The following NECTIN3 variants were observed in gnomAD, a reference collection of about 807,000 sequenced individuals.
NECTIN3 encodes nectin cell adhesion molecule 3, also known as nectin-3.
A neutral mutation model predicts 49.4 loss-of-function variants in NECTIN3; 8 were observed. The observed-to-expected ratio is 0.16, with a 90% CI of 0.10 to 0.29. The LOEUF (loss-of-function observed/expected upper bound fraction) is 0.29. NECTIN3 is among the 10% of genes least tolerant of loss of function. The pLI is 1.00. For synonymous variants in NECTIN3, 277 were observed against 241.1 expected, an observed-to-expected ratio of 1.15 and a Z score of -1.38; for missense variants, 581 against 654.6, an observed-to-expected ratio of 0.89 and a Z score of 1.23.
At chr3:111,150,239 TA>T (rs778196394) in intron 7 of NECTIN3, among the ~76,000 whole-genome samples, 1 of 152,012 alleles carries the variant, frequency 6.6e-6, no homozygotes, top group Non-Finnish European at 1.5e-5. Flanking sequence ...CTTTTGAAGT[TA>T]TTTTTACAGT....
intron 1 of NECTIN3, among the ~76,000 whole-genome samples, chr3:111,084,674 G>A (rs1238988364): frequency 6.6e-6 from 1 of 152,120 alleles, no homozygotes; most frequent in Non-Finnish European, 1.5e-5. Context: ...TGTAATGGTA[G>A]AAATGGAAGG....
downstream of NECTIN3, among the ~76,000 whole-genome samples, chr3:111,138,825 T>A (rs2034666417): frequency 1.3e-5 from 2 of 151,668 alleles, no homozygotes; most frequent in South Asian, 4.1e-4. Flanking sequence ...CTTATGTGCA[T>A]AATATTGCTA....
At chr3:111,075,809 G>T (rs1441682878) in intron 1 of NECTIN3, among the ~76,000 whole-genome samples, 2 of 152,068 alleles carry the variant, frequency 1.3e-5, no homozygotes, top group Non-Finnish European at 2.9e-5. Context: ...CCTTAATGAT[G>T]TCCAGTGCAT....
Position 111,071,865 on chromosome 3 carries a change from T to G in NECTIN3, c.-153T>G. ...GGCGGTGTCGAGGCAGCCGCCAGCGTTCGGCCAAGTGTCAGCCGGCAGCGA... is the reference window on the plus strand; with the variant it reads ...GGCGGTGTCGAGGCAGCCGCCAGCGGTCGGCCAAGTGTCAGCCGGCAGCGA... On this transcript the variant is annotated 5_prime_UTR_variant, in exon 1 of 6. Coordinates refer to ENST00000485303, the MANE Select transcript of NECTIN3 (RefSeq NM_015480.3). 2.3e-6 allele frequency: 1 copy of G among 443,538 alleles called. No individual in the cohort carries two copies. The highest frequency in any genetic ancestry group is 3.7e-6 in the Non-Finnish European group (1 of 272,456). 27.5% of individuals were successfully genotyped at this position (443,538 alleles called of 1,614,324 possible). A position where few individuals can be genotyped will look rare whatever the true frequency, so the allele number is the denominator to read the frequency against.
At position 111,099,435 on chromosome 3, in the gene NECTIN3, C is replaced by T. The variant is rs567329257; in HGVS notation, c.161-12595C>T. 3.3e-5 allele frequency among the ~76,000 whole-genome samples: 5 copies of T among 152,216 alleles called. No individual in the cohort carries two copies. In the East Asian group the frequency reaches 5.8e-4, roughly 18 times the overall value. ...AATTACGTGGTCACTGTAGCCATAACGTTCATTGCCTTGTATGTCTTATTT... is the reference window on the plus strand; with the variant it reads ...AATTACGTGGTCACTGTAGCCATAATGTTCATTGCCTTGTATGTCTTATTT... On this transcript the variant is annotated intron_variant, in intron 1 of 5. Coordinates refer to ENST00000485303, the MANE Select transcript of NECTIN3 (RefSeq NM_015480.3).
chr3:111,138,896 A>G (rs2034669588), downstream of NECTIN3, among the ~76,000 whole-genome samples: 1 of 151,666 alleles, frequency 6.6e-6, no homozygotes, highest in Admixed American at 6.6e-5. Flanking sequence ...GGGAAAACCT[A>G]ATTGTAAAGT....
Position 111,135,706 on chromosome 3 carries a change from C to T in NECTIN3, c.*1491C>T. 3.1e-6 allele frequency: 3 copies of T among 956,560 alleles called. No homozygotes were observed. The highest frequency in any genetic ancestry group is 3.7e-6 in the Non-Finnish European group (3 of 804,018). 59.3% of individuals were successfully genotyped at this position (956,560 alleles called of 1,614,324 possible). ...GTACTTTTTAAACCCTCCCAACCAG[C>T]CCTTTCTCAATATTCATCAAATCTA... On this transcript the variant is annotated 3_prime_UTR_variant, in exon 6 of 6. Transcript: ENST00000485303.
At chr3:111,084,607 G>C (rs2031821456) in intron 1 of NECTIN3, among the ~76,000 whole-genome samples, 1 of 152,110 alleles carries the variant, frequency 6.6e-6, no homozygotes, top group Non-Finnish European at 1.5e-5. Context: ...GAACAAGGGT[G>C]ATGTAAGGAA....
intron 2 of NECTIN3, among the ~76,000 whole-genome samples, chr3:111,116,962 G>A (rs892355478): frequency 6.6e-6 from 1 of 152,020 alleles, no homozygotes; most frequent in Non-Finnish European, 1.5e-5. Flanking sequence ...TTGAAAATAA[G>A]TAGTAGCAAT....
chr3:111,081,920 T>A (rs998945001), intron 1 of NECTIN3, among the ~76,000 whole-genome samples: 1 of 152,220 alleles, frequency 6.6e-6, no homozygotes, highest in African/African-American at 2.4e-5. Context: ...CAGGCAACTG[T>A]GGAGTCCATC....
chr3:111,130,175 C>G lies in NECTIN3; in HGVS notation c.1070-3460C>G, dbSNP rs190891958. Among the ~76,000 whole-genome samples the G allele has an allele frequency of 3.9e-3, 590 of 151,922 alleles. 4 individuals carry two copies. Among genetic ancestry groups the G allele is most frequent in the Non-Finnish European group, 6.5e-3 (440 of 67,976 alleles). On this transcript the variant is annotated intron_variant, in intron 5 of 5. Coordinates refer to ENST00000485303, the MANE Select transcript of NECTIN3 (RefSeq NM_015480.3). Reference sequence around the variant, plus strand: ...GTTTCACCATATTAGCCAGGATGGTCTCGATCTCCTGACCTCATGATCCAC... The same window carrying G: ...GTTTCACCATATTAGCCAGGATGGTGTCGATCTCCTGACCTCATGATCCAC...
chr3:111,125,603 G>A (rs1203549196), intron 4 of NECTIN3, among the ~76,000 whole-genome samples: 2 of 152,088 alleles, frequency 1.3e-5, no homozygotes, highest in Admixed American at 6.5e-5. Context: ...GGTTTTTATT[G>A]TCACAGATGC....
chr3:111,094,679 A>C (rs765463788), intron 1 of NECTIN3, among the ~76,000 whole-genome samples: 1 of 152,200 alleles, frequency 6.6e-6, no homozygotes, highest in Non-Finnish European at 1.5e-5. Flanking sequence ...AGATGGATTC[A>C]GTTCCCTCAG....
chr3:111,158,289 C>A (rs1191818607), intron 7 of NECTIN3, among the ~76,000 whole-genome samples: 1 of 151,904 alleles, frequency 6.6e-6, no homozygotes, highest in Admixed American at 6.6e-5. Flanking sequence ...GAATGAGATT[C>A]GTTAAAGGCC....
Position 111,136,813 on chromosome 3 carries a change from A to T in NECTIN3, c.*2598A>T, listed in dbSNP as rs1576153224. ...GTTAAAATATTTCAATGATATAATG[A>T]AGATGAATGCAACTCTTATTTTTCT... is the stretch of plus-strand genomic sequence containing the variant. On this transcript the variant is annotated 3_prime_UTR_variant, in exon 6 of 6. Transcript: ENST00000485303. 1.1e-6 allele frequency: 1 copy of T among 947,692 alleles called. No homozygotes were observed. Among genetic ancestry groups the T allele is most frequent in the African/African-American group, 1.8e-5 (1 of 56,278 alleles). 58.7% of individuals were successfully genotyped at this position (947,692 alleles called of 1,614,324 possible).
chr3:111,178,047 A>G (rs1176785631), intron 7 of NECTIN3, among the ~76,000 whole-genome samples: 1 of 152,224 alleles, frequency 6.6e-6, no homozygotes, highest in African/African-American at 2.4e-5. Context: ...AATGTGTCGT[A>G]TCACATTTCG....
chr3:111,156,615 T>C (rs1336597768), intron 7 of NECTIN3, among the ~76,000 whole-genome samples: 2 of 152,208 alleles, frequency 1.3e-5, no homozygotes, highest in African/African-American at 4.8e-5. Flanking sequence ...GTTGACCTTA[T>C]CTGAAGCCAC....
chr3:111,150,640 G>A (rs1444131993), intron 7 of NECTIN3, among the ~76,000 whole-genome samples: 1 of 151,754 alleles, frequency 6.6e-6, no homozygotes, highest in East Asian at 1.9e-4. Context: ...TAGTATTGCA[G>A]AAGTATTTTT....
chr3:111,082,243 G>A (rs376386286), intron 1 of NECTIN3, among the ~76,000 whole-genome samples: 44 of 152,178 alleles, frequency 2.9e-4, no homozygotes, highest in African/African-American at 9.2e-4. Context: ...CTTTTGAGCT[G>A]TAGCTGGAAA....
Sources: allele counts gnomAD v4.1 joint callset (sites outside exome capture counted in the v4.1 genomes callset), GRCh38; gene constraint gnomAD v4.1.1; transcripts MANE v1.5; gene names NCBI Gene and HGNC (gene_info 2026-07-23, HGNC 2026-07-21).